The following TRAPPC9 variants were observed in gnomAD, a reference collection of about 807,000 sequenced individuals.
TRAPPC9 encodes trafficking protein particle complex subunit 9, also known as IKK2 binding protein.
TRAPPC9 carries 83 observed loss-of-function variants against 124.0 expected under a neutral mutation model. The observed-to-expected ratio is 0.67, with a 90% confidence interval of 0.56 to 0.80. TRAPPC9 has a LOEUF of 0.80. Among genes scored for constraint, TRAPPC9 ranks in the 30% least tolerant of loss-of-function variants. The pLI is 0.00. For missense variants in TRAPPC9, 1,302 were observed against 1,508.3 expected (o/e 0.86, Z 2.27); for synonymous variants, 638 against 617.5 (o/e 1.03, Z -0.49).
chr8:140,185,977 T>C (rs1171972046), intron 17 of TRAPPC9, among the ~76,000 whole-genome samples: 4 of 152,006 alleles, frequency 2.6e-5, no homozygotes. Flanking sequence ...GGAGAAGGGG[T>C]GGCTGCCAAG....
chr8:139,762,111 C>G (rs1050487198), intron 21 of TRAPPC9, among the ~76,000 whole-genome samples: 7 of 151,736 alleles, frequency 4.6e-5, no homozygotes, highest in Admixed American at 2.0e-4. Flanking sequence ...CCCTGCAGCC[C>G]GAGTGAGGGC....
In TRAPPC9 at chr8:140,128,986, T is replaced by TAC. The variant is rs1554629016; in HGVS notation, c.2556+92471_2556+92472dup. On this transcript the variant is annotated intron_variant, in intron 17 of 22. Coordinates refer to ENST00000438773, the MANE Select transcript of TRAPPC9 (RefSeq NM_001160372.4). Reference sequence around the variant, plus strand: ...AACTATAATAAAATATATATATATATACATATATATATATATATTAAAAAA... The same window carrying TAC: ...AACTATAATAAAATATATATATATATACACATATATATATATATATTAAAAAA... Among the ~76,000 whole-genome samples, 12 of 131,074 alleles carry TAC rather than the reference T, an allele frequency of 9.2e-5. No homozygotes were observed. In the East Asian group the frequency reaches 2.2e-3, roughly 24 times the overall value. 86.0% of individuals were successfully genotyped at this position (131,074 alleles called of 152,430 possible).
At chr8:139,783,803 G>A (rs1480937965) in intron 21 of TRAPPC9, among the ~76,000 whole-genome samples, 2 of 152,200 alleles carry the variant, frequency 1.3e-5, no homozygotes, top group Non-Finnish European at 2.9e-5. Context: ...ATTACCAACT[G>A]AAGATCATCT....
At chr8:139,925,287 T>G (rs1832742715) in intron 19 of TRAPPC9, among the ~76,000 whole-genome samples, 1 of 152,188 alleles carries the variant, frequency 6.6e-6, no homozygotes, top group African/African-American at 2.4e-5. Flanking sequence ...AATATCGCCT[T>G]TCTGCCCAGG....
rs1219838678 is a variant in TRAPPC9 at position 140,269,281 on chromosome 8, C to T, written c.2278+6377G>A. 2.0e-5 allele frequency among the ~76,000 whole-genome samples: 3 copies of T among 152,038 alleles called. No individual in the cohort carries two copies. In the East Asian group the frequency reaches 5.8e-4, roughly 29 times the overall value. On this transcript the variant is annotated intron_variant, in intron 15 of 22. Coordinates refer to ENST00000438773, the MANE Select transcript of TRAPPC9 (RefSeq NM_001160372.4). Reference sequence around the variant, plus strand: ...ATTTGGCCAGGTGCAGTGGCTCATGCCTGTAATCCCAGCACTTTGGGAGAC... The same window carrying T: ...ATTTGGCCAGGTGCAGTGGCTCATGTCTGTAATCCCAGCACTTTGGGAGAC...
At chr8:139,818,008 A>T (rs1824977472) in intron 21 of TRAPPC9, among the ~76,000 whole-genome samples, 1 of 152,230 alleles carries the variant, frequency 6.6e-6, no homozygotes, top group Non-Finnish European at 1.5e-5. Flanking sequence ...CGTGTGTACC[A>T]GTATATGCTA....
At chr8:140,066,469 T>C (rs1230654958) in intron 17 of TRAPPC9, among the ~76,000 whole-genome samples, 1 of 152,194 alleles carries the variant, frequency 6.6e-6, no homozygotes, top group Non-Finnish European at 1.5e-5. Context: ...TCTCTTGAAG[T>C]GCAGTGAATT....
chr8:140,419,448 A>AAC (rs1554683877), intron 5 of TRAPPC9, among the ~76,000 whole-genome samples: 6,654 of 94,424 alleles, frequency 0.07, 348 homozygotes, highest in Middle Eastern at 0.2. Flanking sequence ...AAAAAAAAAA[A>AAC]AAAACAAAAC....
chr8:139,834,819 G>A (rs1019793204), intron 21 of TRAPPC9, among the ~76,000 whole-genome samples: 22 of 152,178 alleles, frequency 1.4e-4, no homozygotes, highest in African/African-American at 5.3e-4. Flanking sequence ...GCGCATTTCA[G>A]GATGTAAACC....
intron 19 of TRAPPC9, among the ~76,000 whole-genome samples, chr8:139,946,379 G>A (rs145755764): frequency 7.0e-4 from 106 of 152,338 alleles, no homozygotes; most frequent in African/African-American, 2.4e-3. Context: ...GGCATGGCCA[G>A]GTGTGTTAGA....
At chr8:140,441,428 T>C (rs1040095590) in intron 2 of TRAPPC9, among the ~76,000 whole-genome samples, 3 of 152,250 alleles carry the variant, frequency 2.0e-5, no homozygotes, top group African/African-American at 7.2e-5. Flanking sequence ...TTACAAATAC[T>C]ACTGTATATT....
At chr8:139,895,829 C>T (rs1830634093) in intron 20 of TRAPPC9, among the ~76,000 whole-genome samples, 1 of 152,204 alleles carries the variant, frequency 6.6e-6, no homozygotes, top group South Asian at 2.1e-4. Flanking sequence ...AAATAAAGAC[C>T]TACATTTTGG....
intron 7 of TRAPPC9, among the ~76,000 whole-genome samples, chr8:140,386,818 C>T (rs375143496): frequency 1.3e-5 from 2 of 151,938 alleles, no homozygotes; most frequent in African/African-American, 4.8e-5. Context: ...AAAAACTACT[C>T]TAAAGTTCAT....
At chr8:140,356,517 G>A (rs1031100359) in intron 9 of TRAPPC9, among the ~76,000 whole-genome samples, 2 of 152,090 alleles carry the variant, frequency 1.3e-5, no homozygotes, top group African/African-American at 4.8e-5. Context: ...TATGGCCCAT[G>A]CCCTTGAGAA....
chr8:140,395,938 G>A (rs915500599), intron 7 of TRAPPC9, among the ~76,000 whole-genome samples: 5 of 151,908 alleles, frequency 3.3e-5, no homozygotes, highest in Non-Finnish European at 5.9e-5. Flanking sequence ...ACCCACAGCC[G>A]GCCGCTGACC....
At chr8:140,057,135 A>G (rs1276728777) in intron 17 of TRAPPC9, among the ~76,000 whole-genome samples, 2 of 152,222 alleles carry the variant, frequency 1.3e-5, no homozygotes, top group Non-Finnish European at 1.5e-5. Flanking sequence ...CAAAAACATG[A>G]CGATACATTA....
At chr8:139,769,029 A>G (rs1204938995) in intron 21 of TRAPPC9, among the ~76,000 whole-genome samples, 1 of 152,214 alleles carries the variant, frequency 6.6e-6, no homozygotes, top group African/African-American at 2.4e-5. Context: ...CGACATCTTG[A>G]CCTTGAATTT....
chr8:140,025,118 T>G (rs2131931651), intron 17 of TRAPPC9, among the ~76,000 whole-genome samples: 1 of 152,174 alleles, frequency 6.6e-6, no homozygotes, highest in East Asian at 1.9e-4. Flanking sequence ...AGGGGAACAT[T>G]ACAGCTTCTC....
At position 139,919,113 on chromosome 8, in the gene TRAPPC9, G is replaced by A. The variant is rs997055843; in HGVS notation, c.2811-8813C>T. 6.6e-5 allele frequency among the ~76,000 whole-genome samples: 10 copies of A among 152,206 alleles called. No individual in the cohort carries two copies. In the East Asian group the frequency reaches 7.7e-4, roughly 12 times the overall value. On this transcript the variant is annotated intron_variant, in intron 19 of 22. Transcript: ENST00000438773. ...TCGACTCCCCGAGGCTTTGGCGCCCGGGCTAGTGTCCCGGCTGCAGGGCTG... is the reference window on the plus strand; with the variant it reads ...TCGACTCCCCGAGGCTTTGGCGCCCAGGCTAGTGTCCCGGCTGCAGGGCTG...
Sources: gnomAD v4.1 joint callset for allele counts (sites outside exome capture counted in the v4.1 genomes callset) on GRCh38, gnomAD v4.1.1 for gene constraint, MANE v1.5 for transcripts, NCBI Gene and HGNC (gene_info 2026-07-23, HGNC 2026-07-21) for gene names.